The following ABLIM2 variants were observed in gnomAD, a reference collection of about 807,000 sequenced individuals.
ABLIM2 encodes the protein actin binding LIM protein family member 2, also known as actin-binding LIM protein 2.
Under a neutral mutation model 97.7 loss-of-function variants are expected in ABLIM2, and 53 were observed. The ratio of observed to expected loss-of-function variants is 0.54; its 90% CI spans 0.44 to 0.68. ABLIM2 has a LOEUF of 0.68. Ranked by LOEUF, ABLIM2 falls within the 30% of genes least tolerant of loss-of-function variation. The probability of loss-of-function intolerance (pLI) is 0.00; values close to 1 mark genes in which losing one functional copy is unlikely to be tolerated. For synonymous variants in ABLIM2, 361 were observed against 345.8 expected, an observed-to-expected ratio of 1.04 and a Z score of -0.49; for missense variants, 835 against 867.2, an observed-to-expected ratio of 0.96 and a Z score of 0.47.
chr4:8,129,402 C>T (rs1269764807), intron 1 of ABLIM2, among the ~76,000 whole-genome samples: 11 of 152,366 alleles, frequency 7.2e-5, no homozygotes, highest in South Asian at 2.1e-4. Flanking sequence ...GCCCGAAACA[C>T]GGCCAGCACC....
chr4:8,138,485 G>A (rs1850491315), intron 1 of ABLIM2, among the ~76,000 whole-genome samples: 1 of 152,190 alleles, frequency 6.6e-6, no homozygotes, highest in Admixed American at 6.5e-5. Context: ...TGAGGCTACA[G>A]TAACCAAAAC....
chr4:8,146,051 AT>A (rs753776638), intron 1 of ABLIM2, among the ~76,000 whole-genome samples: 1 of 152,082 alleles, frequency 6.6e-6, no homozygotes, highest in African/African-American at 2.4e-5. Flanking sequence ...ATCCTAGCAC[AT>A]TTTTTTTCTG....
intron 3 of ABLIM2, among the ~76,000 whole-genome samples, chr4:8,092,335 T>C (rs887416179): frequency 6.6e-6 from 1 of 152,010 alleles, no homozygotes; most frequent in Non-Finnish European, 1.5e-5. Flanking sequence ...TGAAAGACAA[T>C]AGAATCTCAG....
Position 8,072,697 on chromosome 4 carries a change from G to A in ABLIM2, c.675+4931C>T, listed in dbSNP as rs1813089605. ...CTCAGTGGCTGATGGCCGGGCACGT[G>A]GGTGGATCCAGCTGGACGCCCAGGT... On this transcript the variant is annotated intron_variant, in intron 6 of 20. Transcript: ENST00000447017. This position sits in a 1 kb window ranked among gnomAD's most constrained non-coding sequence, Gnocchi z 5.8. Among the ~76,000 whole-genome samples, 1 of 152,258 alleles carries A rather than the reference G, an allele frequency of 6.6e-6. No individual in the cohort carries two copies. Among genetic ancestry groups the A allele is most frequent in the South Asian group, 2.1e-4 (1 of 4,836 alleles).
At chr4:8,039,482 A>G (rs3902791) in intron 9 of ABLIM2, among the ~76,000 whole-genome samples, 26,109 of 152,044 alleles carry the variant, frequency 0.17, 2,481 homozygotes, top group East Asian at 0.34. Flanking sequence ...ACTTTCCCCC[A>G]TGCCAAGTCC....
rs752185103 is a variant in ABLIM2 at position 8,046,355 on chromosome 4, G to A, written c.823-1114C>T. Among the ~76,000 whole-genome samples, 3 of 152,052 alleles carry A rather than the reference G, an allele frequency of 2.0e-5. No individual in the cohort carries two copies. Among genetic ancestry groups the A allele is most frequent in the Admixed American group, 6.6e-5 (1 of 15,264 alleles). On this transcript the variant is annotated intron_variant, in intron 8 of 20. Transcript: ENST00000447017. The surrounding 1 kb of genome is among the most constrained non-coding windows in gnomAD (Gnocchi z 4.4). Reference sequence around the variant, plus strand: ...CTCTCCTGGTTCAGCTCTCACTGGAGCTGCACACCCCTCTCCTGGTTCAGC... The same window carrying A: ...CTCTCCTGGTTCAGCTCTCACTGGAACTGCACACCCCTCTCCTGGTTCAGC...
chr4:8,025,283 G>A (rs1420623672), intron 12 of ABLIM2, among the ~76,000 whole-genome samples: 1 of 152,208 alleles, frequency 6.6e-6, no homozygotes, highest in Admixed American at 6.5e-5. Context: ...GGGAACCAGG[G>A]CAGAGATGGG....
In ABLIM2 at chr4:8,045,230, A is replaced by T. The variant is rs1376303623; in HGVS notation, c.834T>A (p.Thr278=). The change falls in exon 9 of 21, where the codon ACT becomes ACA. Residue 278 remains threonine, a synonymous_variant. Coordinates refer to ENST00000447017, the MANE Select transcript of ABLIM2 (RefSeq NM_001130083.2). ...RTEDRNKETR[T]SSESIISVPA... is the part of the protein sequence containing the mutation. Reference sequence around the variant, plus strand: ...GGACAGAAATGATGCTCTCTGAGGAAGTTCTGGTTTCCTGAGAAAGGAGAG... The same window carrying T: ...GGACAGAAATGATGCTCTCTGAGGATGTTCTGGTTTCCTGAGAAAGGAGAG... The T allele has an allele frequency of 4.3e-6, 7 of 1,613,898 alleles. No homozygotes were observed. The Admixed American group carries it at 1.0e-4, about 23-fold the overall frequency.
In ABLIM2 at chr4:8,125,706, G is replaced by A. The variant is rs1048978027; in HGVS notation, c.11-19069C>T. 1.3e-5 allele frequency among the ~76,000 whole-genome samples: 2 copies of A among 152,210 alleles called. No homozygotes were observed. Among genetic ancestry groups the A allele is most frequent in the African/African-American group, 4.8e-5 (2 of 41,454 alleles). On this transcript the variant is annotated intron_variant, in intron 1 of 20. Coordinates refer to ENST00000447017, the MANE Select transcript of ABLIM2 (RefSeq NM_001130083.2). This position sits in a 1 kb window ranked among gnomAD's most constrained non-coding sequence, Gnocchi z 6.2. ...AGCACAGTGGGCCTGAGAAGGCATC[G>A]CAGACTCAGCTGAGCTGGAGAGGCC...
At chr4:8,013,083 A>G (rs1249851332) in intron 14 of ABLIM2, among the ~76,000 whole-genome samples, 7 of 152,310 alleles carry the variant, frequency 4.6e-5, no homozygotes, top group African/African-American at 1.7e-4. Context: ...GAGGGTTTCT[A>G]TACATAACAA....
intron 16 of ABLIM2, among the ~76,000 whole-genome samples, chr4:7,994,205 G>C (rs1751406028): frequency 2.6e-5 from 1 of 39,146 alleles, no homozygotes; most frequent in African/African-American, 6.8e-5. Flanking sequence ...CCACTAATGT[G>C]TCATCTAGCA....
Position 8,068,174 on chromosome 4 carries a change from C to T in ABLIM2, c.676-7120G>A, listed in dbSNP as rs879257386. On this transcript the variant is annotated intron_variant, in intron 6 of 20. Transcript: ENST00000447017. This position sits in a 1 kb window ranked among gnomAD's most constrained non-coding sequence, Gnocchi z 4.5. ...GCCGCTGGTTGTTCCAGTGGGCGCA[C>T]GGCTCCCCAGGCAGGCGGAAGTCCC... 1.1e-4 allele frequency among the ~76,000 whole-genome samples: 17 copies of T among 152,176 alleles called. No individual in the cohort carries two copies. Among genetic ancestry groups the T allele is most frequent in the Admixed American group, 5.9e-4 (9 of 15,284 alleles).
rs766599620 is a variant in ABLIM2 at position 8,125,447 on chromosome 4, C to T, written c.11-18810G>A. On this transcript the variant is annotated intron_variant, in intron 1 of 20. Coordinates refer to ENST00000447017, the MANE Select transcript of ABLIM2 (RefSeq NM_001130083.2). The surrounding 1 kb of genome is among the most constrained non-coding windows in gnomAD (Gnocchi z 6.2). ...ATACCCTTGCTTCGCATGTGAATCG[C>T]GATCTGCAGTGCTGATGGCCGCAGG... Among the ~76,000 whole-genome samples, 15 of 152,218 alleles carry T rather than the reference C, an allele frequency of 9.9e-5. No homozygotes were observed. Among genetic ancestry groups the T allele is most frequent in the Non-Finnish European group, 1.6e-4 (11 of 68,048 alleles).
intron 10 of ABLIM2, among the ~76,000 whole-genome samples, chr4:8,030,461 G>A (rs1560766869): frequency 6.6e-6 from 1 of 152,228 alleles, no homozygotes; most frequent in Non-Finnish European, 1.5e-5. Context: ...GGTGGAGGTT[G>A]CAGTTTTGCC....
At chr4:7,989,556 T>A (rs1462302318) in intron 17 of ABLIM2, 1 of 392,792 alleles carries the variant, frequency 2.5e-6, no homozygotes, top group African/African-American at 2.2e-5. Flanking sequence ...TTAATTTTAT[T>A]AATTCCTTTT....
In ABLIM2 at chr4:8,148,603, G is replaced by GCAGTGCAGGGCCCCAGCA. The variant is rs142331772; in HGVS notation, c.10+10076_10+10077insTGCTGGGGCCCTGCACTG. Among the ~76,000 whole-genome samples the GCAGTGCAGGGCCCCAGCA allele has an allele frequency of 0.18, 27,092 of 152,118 alleles. 2,854 individuals carry two copies. The highest frequency in any genetic ancestry group is 0.28 in the African/African-American group (11,740 of 41,450). On this transcript the variant is annotated intron_variant, in intron 1 of 20. Coordinates refer to ENST00000447017, the MANE Select transcript of ABLIM2 (RefSeq NM_001130083.2). This position sits in a 1 kb window ranked among gnomAD's most constrained non-coding sequence, Gnocchi z 6.7. ...AAGGATTATAGGGTGAAAGCACATC[G>GCAGTGCAGGGCCCCAGCA]CGGTGCTGGGTCCACACTGGGGAAG...
rs769546405 is a variant in ABLIM2 at position 8,083,037 on chromosome 4, T to C, written c.455-2235A>G. ...CATAACTTGGAGGGGGTTCCAGGCA[T>C]CTAGTGGGCAGTGGACACAGGATGC... On this transcript the variant is annotated intron_variant, in intron 4 of 20. Transcript: ENST00000447017. This position sits in a 1 kb window ranked among gnomAD's most constrained non-coding sequence, Gnocchi z 4.6. 3.3e-5 allele frequency among the ~76,000 whole-genome samples: 5 copies of C among 152,084 alleles called. No homozygotes were observed. Among genetic ancestry groups the C allele is most frequent in the Non-Finnish European group, 5.9e-5 (4 of 68,018 alleles).
At chr4:8,093,073 T>A (rs1342056967) in intron 3 of ABLIM2, among the ~76,000 whole-genome samples, 1 of 152,132 alleles carries the variant, frequency 6.6e-6, no homozygotes, top group Non-Finnish European at 1.5e-5. Context: ...GGTCTCAAAC[T>A]CCTGAGCTCA....
At chr4:8,136,176 ACCATG>A (rs1256980237) in intron 1 of ABLIM2, among the ~76,000 whole-genome samples, 1 of 152,210 alleles carries the variant, frequency 6.6e-6, no homozygotes, top group African/African-American at 2.4e-5. Flanking sequence ...TCTTGAGGAC[ACCATG>A]CCCAGTCCCA....
Sources: allele counts gnomAD v4.1 joint callset (sites outside exome capture counted in the v4.1 genomes callset), GRCh38; gene constraint gnomAD v4.1.1; non-coding constraint Gnocchi (gnomAD v3.1); transcripts MANE v1.5; gene names NCBI Gene and HGNC (gene_info 2026-07-23, HGNC 2026-07-21).